Variants in DNAAF5 observed in about 807,000 individuals in gnomAD.
DNAAF5 encodes dynein axonemal assembly factor 5, also known as HEAT repeat containing 2.
In DNAAF5, 64 loss-of-function variants were observed where a neutral mutation model predicts 75.8. The observed-to-expected ratio is 0.84, with a 90% CI of 0.69 to 1.04. The LOEUF (loss-of-function observed/expected upper bound fraction) is 1.04, where lower values mean the gene tolerates loss of function less well. Among genes scored for constraint, DNAAF5 ranks in the 50% least tolerant of loss-of-function variants. DNAAF5 has a pLI of 0.00. For synonymous variants in DNAAF5, 657 were observed against 557.2 expected (o/e 1.18, Z -2.52); for missense variants, 1,269 against 1,178.5 (o/e 1.08, Z -1.12).
chr7:756,353 G>A (rs1021771648), intron 5 of DNAAF5, among the ~76,000 whole-genome samples: 1 of 147,028 alleles, frequency 6.8e-6, no homozygotes, highest in African/African-American at 2.5e-5. Context: ...GGTGCAGAGG[G>A]GCTGGTGTGT....
At chr7:764,800 G>A (rs914541421) in intron 8 of DNAAF5, among the ~76,000 whole-genome samples, 64 of 152,306 alleles carry the variant, frequency 4.2e-4, no homozygotes, top group African/African-American at 1.4e-3. Context: ...GCTGGGCGTG[G>A]TGGCTCACGC....
rs1368720414 is a variant in DNAAF5, at chr7:785,791, C to T, written c.*138C>T. ...GAATGTACTCCTCAGGACACCTGCC[C>T]ACTCTTTCCCTGGAATAACAGCCTC... On this transcript the variant is annotated 3_prime_UTR_variant, in exon 13 of 13. Coordinates refer to ENST00000297440, the MANE Select transcript of DNAAF5 (RefSeq NM_017802.4). 2.6e-5 allele frequency: 25 copies of T among 966,162 alleles called. No individual in the cohort carries two copies. Among genetic ancestry groups the T allele is most frequent in the Admixed American group, 5.7e-5 (2 of 35,200 alleles). The allele number at this position is 966,162 out of a possible 1,614,324, so 59.8% of individuals were successfully genotyped here.
intron 7 of DNAAF5, 47 bp downstream of exon 7, chr7:761,943 G>A (rs1782661591): frequency 6.5e-7 from 1 of 1,537,306 alleles, no homozygotes; most frequent in Non-Finnish European, 8.8e-7. Flanking sequence ...GGAGCTCACA[G>A]CTGGAAGGCA....
At chr7:777,189 G>A (rs1469584409) in intron 11 of DNAAF5, among the ~76,000 whole-genome samples, 1 of 152,050 alleles carries the variant, frequency 6.6e-6, no homozygotes, top group Non-Finnish European at 1.5e-5. Flanking sequence ...TAAACGTAAC[G>A]CACGTGACTC....
intron 4 of DNAAF5, among the ~76,000 whole-genome samples, chr7:752,100 G>A (rs1237018556): frequency 1.3e-5 from 2 of 152,172 alleles, no homozygotes; most frequent in East Asian, 1.9e-4. Flanking sequence ...GAACGAGAGC[G>A]TCCAGAAACA....
chr7:745,660 T>C (rs1028189953), intron 4 of DNAAF5, among the ~76,000 whole-genome samples: 1 of 151,454 alleles, frequency 6.6e-6, no homozygotes, highest in Non-Finnish European at 1.5e-5. Context: ...TACACACTTA[T>C]CCTCACACAC....
chr7:744,677 G>A (rs1782025843), intron 4 of DNAAF5, among the ~76,000 whole-genome samples: 2 of 152,226 alleles, frequency 1.3e-5, no homozygotes, highest in Non-Finnish European at 2.9e-5. Flanking sequence ...AGGATGTGGA[G>A]AAATAGGAAC....
intron 5 of DNAAF5, among the ~76,000 whole-genome samples, chr7:755,822 A>G (rs1279478980): frequency 6.6e-6 from 1 of 152,252 alleles, no homozygotes; most frequent in Non-Finnish European, 1.5e-5. Flanking sequence ...CTGCTTTTCA[A>G]AAACTACCGT....
rs745787736 is a variant in DNAAF5, at chr7:727,156, G to T, written c.436G>T (p.Val146Leu). 1.9e-5 allele frequency: 25 copies of T among 1,284,018 alleles called. No individual in the cohort carries two copies. Among genetic ancestry groups the T allele is most frequent in the South Asian group, 6.1e-5 (3 of 49,138 alleles). 79.5% of individuals were successfully genotyped at this position (1,284,018 alleles called of 1,614,324 possible). Residue 146 changes from valine to leucine, a missense_variant, in exon 1 of 13, where the codon GTG becomes TTG. Physicochemically the swap from Val to Leu is conservative, Grantham distance 32. Transcript: ENST00000297440. ...CTGTGAGGAGCTGCGCCTGGCGCTTGTGCAGCTGCTGGGCCTGGCCGTGGA... is the reference window on the plus strand; with the variant it reads ...CTGTGAGGAGCTGCGCCTGGCGCTTTTGCAGCTGCTGGGCCTGGCCGTGGA... The part of the protein sequence containing the change: ...EACEELRLAL[V>L]QLLGLAVDLC...
At chr7:780,221 GTGA>G in intron 12 of DNAAF5, 77 bp downstream of exon 12, 1 of 1,413,396 alleles carries the variant, frequency 7.1e-7, no homozygotes, top group Non-Finnish European at 9.8e-7. Context: ...GCTGAGCCGT[GTGA>G]CCGGCCACAG....
intron 12 of DNAAF5, among the ~76,000 whole-genome samples, chr7:783,080 C>T (rs571105278): frequency 1.1e-4 from 16 of 152,380 alleles, no homozygotes; most frequent in Admixed American, 9.1e-4. Context: ...GAGAGCTTGA[C>T]TTGTATCCTC....
At chr7:732,305 C>T (rs911959575) in intron 2 of DNAAF5, among the ~76,000 whole-genome samples, 2 of 152,250 alleles carry the variant, frequency 1.3e-5, no homozygotes. Context: ...CCCAGAACCC[C>T]GGCGAGGCAG....
Position 775,083 on chromosome 7 carries a change from C to A in DNAAF5, c.2160C>A (p.Ile720=). Residue 720 remains isoleucine, a synonymous_variant, in exon 11 of 13, where the codon ATC becomes ATA. Coordinates refer to ENST00000297440, the MANE Select transcript of DNAAF5 (RefSeq NM_017802.4). ...AGGATTCGAAGATGACGCGACTGAT[C>A]TCATGCCGTATTATCAACACGTTCT... is the stretch of plus-strand genomic sequence containing the variant. ...LEEDSKMTRL[I]SCRIINTFLK... is the part of the protein sequence containing the mutation. 6.2e-7 allele frequency: 1 copy of A among 1,614,076 alleles called. No individual in the cohort carries two copies. The highest frequency in any genetic ancestry group is 8.5e-7 in the Non-Finnish European group (1 of 1,179,978).
rs1294806497 is a variant in DNAAF5, at chr7:747,327, GCACACGGTGTTGGTGTCCAGTGTTGA to G, written c.1024+5871_1024+5896del. ...GTGTGTCGGTTGGTGTGCAGTGTTGGCACACGGTGTTGGTGTCCAGTGTTGACACACGGTATTGGGGTTTGCTGTTT... is the reference window on the plus strand; with the variant it reads ...GTGTGTCGGTTGGTGTGCAGTGTTGGCACACGGTATTGGGGTTTGCTGTTT... On this transcript the variant is annotated intron_variant, in intron 4 of 12. Coordinates refer to ENST00000297440, the MANE Select transcript of DNAAF5 (RefSeq NM_017802.4). 1.6e-4 allele frequency among the ~76,000 whole-genome samples: 24 copies of G among 152,160 alleles called. No individual in the cohort carries two copies. The East Asian group carries it at 4.3e-3, about 27-fold the overall frequency.
At chr7:772,043 G>T (rs966488633) in intron 9 of DNAAF5, 4 of 152,274 alleles carry the variant, frequency 2.6e-5, no homozygotes, top group Non-Finnish European at 5.9e-5. Flanking sequence ...GCGGGGAGTC[G>T]CCACTGACCA....
intron 9 of DNAAF5, chr7:771,999 T>C (rs1237831935): frequency 6.6e-6 from 1 of 152,300 alleles, no homozygotes; most frequent in Non-Finnish European, 1.5e-5. Flanking sequence ...AATCATGAAA[T>C]AGCAAGTTGG....
chr7:757,015 C>A, intron 6 of DNAAF5, 21 bp downstream of exon 6: 1 of 1,588,066 alleles, frequency 6.3e-7, no homozygotes. Context: ...TTGGGAGATG[C>A]GGGAGTGGAG....
At chr7:734,953 G>A (rs1781689665) in intron 2 of DNAAF5, among the ~76,000 whole-genome samples, 1 of 151,532 alleles carries the variant, frequency 6.6e-6, no homozygotes, top group Admixed American at 6.6e-5. Flanking sequence ...GTTGCTCATA[G>A]TGTTGTTCTT....
intron 2 of DNAAF5, among the ~76,000 whole-genome samples, chr7:732,074 T>C (rs564565922): frequency 1.3e-5 from 2 of 152,284 alleles, no homozygotes; most frequent in African/African-American, 2.4e-5. Flanking sequence ...AATAACTTCA[T>C]CTCCTCCTTA....
Sources: allele counts gnomAD v4.1 joint callset (sites outside exome capture counted in the v4.1 genomes callset), GRCh38; gene constraint gnomAD v4.1.1; transcripts MANE v1.5; gene names NCBI Gene and HGNC (gene_info 2026-07-23, HGNC 2026-07-21).